Variants in MAMDC2 observed in about 807,000 individuals in gnomAD.
The protein encoded by MAMDC2 is MAM domain containing 2.
A neutral mutation model predicts 89.8 loss-of-function variants in MAMDC2; 57 were observed. The ratio of observed to expected loss-of-function variants is 0.63; its 90% CI spans 0.51 to 0.79. The LOEUF (loss-of-function observed/expected upper bound fraction) is 0.79, where lower values mean the gene tolerates loss of function less well. MAMDC2 is among the 30% of genes least tolerant of loss of function. The pLI, the probability that MAMDC2 is intolerant of heterozygous loss-of-function variation, is 0.00. For synonymous variants in MAMDC2, 313 were observed against 293.4 expected, an observed-to-expected ratio of 1.07 and a Z score of -0.68; for missense variants, 800 against 820.6, an observed-to-expected ratio of 0.97 and a Z score of 0.31.
At chr9:70,046,179 C>A (rs1283415740) in intron 2 of MAMDC2, among the ~76,000 whole-genome samples, 9 of 152,172 alleles carry the variant, frequency 5.9e-5, no homozygotes, top group African/African-American at 2.2e-4. Context: ...ATTGCTGGGC[C>A]CCACTTCCTG....
intron 2 of MAMDC2, among the ~76,000 whole-genome samples, chr9:70,056,175 C>G (rs1827020826): frequency 6.6e-6 from 1 of 152,192 alleles, no homozygotes; most frequent in South Asian, 2.1e-4. Context: ...TATTTTATGA[C>G]CAAAACAATC....
intron 11 of MAMDC2, among the ~76,000 whole-genome samples, chr9:70,199,721 T>G (rs1329057764): frequency 7.8e-6 from 1 of 128,716 alleles, no homozygotes; most frequent in African/African-American, 2.9e-5. Flanking sequence ...TGTTGTTTCC[T>G]GACTTTTTAA....
chr9:70,150,278 G>A (rs147916631), intron 9 of MAMDC2, among the ~76,000 whole-genome samples: 1 of 152,250 alleles, frequency 6.6e-6, no homozygotes, highest in East Asian at 1.9e-4. Flanking sequence ...ATAAGCATAC[G>A]GCCAACACTT....
chr9:70,115,278 A>G (rs1366871240), intron 5 of MAMDC2, among the ~76,000 whole-genome samples: 1 of 152,094 alleles, frequency 6.6e-6, no homozygotes, highest in African/African-American at 2.4e-5. Context: ...GGTCACTTAC[A>G]TAAGAAATTG....
Position 70,168,728 on chromosome 9 carries a change from T to A in MAMDC2, c.1431T>A (p.Ser477Arg). The change falls in exon 10 of 14, where the codon AGT becomes AGA. Residue 477 changes from serine to arginine, a missense_variant. By Grantham distance (110) the Ser-to-Arg change is moderately radical. Coordinates refer to ENST00000377182, the MANE Select transcript of MAMDC2 (RefSeq NM_153267.5). Reference sequence around the variant, plus strand: ...TGGTTTTCATGAGCCTATGCAAAAGTTTCTGGGACTGTGGGCTTGTAGCCC... The same window carrying A: ...TGGTTTTCATGAGCCTATGCAAAAGATTCTGGGACTGTGGGCTTGTAGCCC... ...TKVVFMSLCK[S>R]FWDCGLVALD... The A allele has an allele frequency of 6.2e-7, 1 of 1,613,988 alleles. No individual in the cohort carries two copies. Among genetic ancestry groups the A allele is most frequent in the South Asian group, 1.1e-5 (1 of 91,064 alleles).
At chr9:70,056,704 G>T (rs573802399) in intron 2 of MAMDC2, among the ~76,000 whole-genome samples, 2 of 152,212 alleles carry the variant, frequency 1.3e-5, no homozygotes, top group South Asian at 4.2e-4. Context: ...ATCGGTACCG[G>T]TCTACTAGAA....
intron 11 of MAMDC2, among the ~76,000 whole-genome samples, chr9:70,199,074 T>C (rs2033039743): frequency 6.6e-6 from 1 of 151,916 alleles, no homozygotes; most frequent in Admixed American, 6.6e-5. Context: ...TTTTTTATTA[T>C]ACTTTAAGTT....
chr9:70,089,402 C>T (rs1347586984), intron 2 of MAMDC2, among the ~76,000 whole-genome samples: 2 of 152,124 alleles, frequency 1.3e-5, no homozygotes, highest in Non-Finnish European at 2.9e-5. Flanking sequence ...AGTTGTAGCT[C>T]TAATTTTATG....
At chr9:70,057,752 AG>A (rs1162822194) in intron 2 of MAMDC2, among the ~76,000 whole-genome samples, 1 of 152,226 alleles carries the variant, frequency 6.6e-6, no homozygotes, top group Non-Finnish European at 1.5e-5. Flanking sequence ...CATGCACAAA[AG>A]GCACCGGATT....
intron 4 of MAMDC2, 78 bp downstream of exon 4, chr9:70,109,882 A>G: frequency 8.6e-7 from 1 of 1,158,664 alleles, no homozygotes; most frequent in Non-Finnish European, 1.3e-6. Flanking sequence ...GAACTGAATC[A>G]ATCCTAAAGA....
intron 8 of MAMDC2, among the ~76,000 whole-genome samples, chr9:70,142,211 G>C (rs2118411329): frequency 6.6e-6 from 1 of 152,284 alleles, no homozygotes; most frequent in African/African-American, 2.4e-5. Context: ...AGCTGGGAGA[G>C]TGGGAGTGAC....
rs542407249 is a variant in MAMDC2, at chr9:70,217,425, A to G, written c.1652-912A>G. The G allele has an allele frequency of 1.5e-4, 196 of 1,328,404 alleles. 1 individual carries two copies. In the South Asian group the frequency reaches 1.9e-3, roughly 13 times the overall value. 82.3% of individuals were successfully genotyped at this position (1,328,404 alleles called of 1,614,324 possible). ...AGAAAAGAACCCACCCAGCAGTCAA[A>G]TTCCAGAGGGCCATTACTGGTGCAT... On this transcript the variant is annotated intron_variant, in intron 11 of 13. Coordinates refer to ENST00000377182, the MANE Select transcript of MAMDC2 (RefSeq NM_153267.5).
At chr9:70,115,748 G>A (rs2029957606) in intron 5 of MAMDC2, among the ~76,000 whole-genome samples, 1 of 152,196 alleles carries the variant, frequency 6.6e-6, no homozygotes, top group Non-Finnish European at 1.5e-5. Context: ...ATAAATAAGT[G>A]CTCTGTGTAG....
At chr9:70,198,134 T>C (rs1293005178) in intron 11 of MAMDC2, among the ~76,000 whole-genome samples, 2 of 148,152 alleles carry the variant, frequency 1.3e-5, no homozygotes, top group Non-Finnish European at 3.0e-5. Context: ...GTACATAGTA[T>C]AGAAAAAAGC....
intron 9 of MAMDC2, among the ~76,000 whole-genome samples, chr9:70,162,789 G>A (rs1019753378): frequency 6.6e-6 from 1 of 151,742 alleles, no homozygotes; most frequent in Admixed American, 6.6e-5. Flanking sequence ...GGACTCGTGG[G>A]TACTTTAACC....
At chr9:70,152,926 C>T (rs537731498) in intron 9 of MAMDC2, among the ~76,000 whole-genome samples, 3 of 152,250 alleles carry the variant, frequency 2.0e-5, no homozygotes, top group African/African-American at 7.2e-5. Flanking sequence ...TTAAATTTAG[C>T]TGAGCAGAGA....
At position 70,160,161 on chromosome 9, in the gene MAMDC2, G is replaced by A. The variant is rs199517810; in HGVS notation, c.1405-8541G>A. The stretch of plus-strand genomic sequence containing the variant: ...CAGGAGGGAGAGGTTGCAGTGAGCC[G>A]TGATTGCGCTACTGCACTCTAGCCT... On this transcript the variant is annotated intron_variant, in intron 9 of 13. Transcript: ENST00000377182. 8.0e-4 allele frequency among the ~76,000 whole-genome samples: 122 copies of A among 152,094 alleles called. 3 individuals carry two copies. In the East Asian group the frequency reaches 0.02, roughly 25 times the overall value.
intron 9 of MAMDC2, among the ~76,000 whole-genome samples, chr9:70,154,751 C>T (rs996389697): frequency 1.5e-4 from 23 of 151,724 alleles, no homozygotes; most frequent in African/African-American, 5.3e-4. Context: ...GCCTCAAGCT[C>T]TCCTCCCACC....
intron 11 of MAMDC2, among the ~76,000 whole-genome samples, chr9:70,193,205 C>T (rs941778210): frequency 7.2e-5 from 11 of 152,140 alleles, no homozygotes; most frequent in African/African-American, 2.7e-4. Context: ...TCAGAGAAAC[C>T]ACTTTGATAA....
Sources: gnomAD v4.1 joint callset for allele counts (sites outside exome capture counted in the v4.1 genomes callset) on GRCh38, gnomAD v4.1.1 for gene constraint, MANE v1.5 for transcripts, NCBI Gene and HGNC (gene_info 2026-07-23, HGNC 2026-07-21) for gene names.